USP34: variants seen among roughly 807,000 people sequenced by gnomAD.
USP34 encodes the protein ubiquitin carboxyl-terminal hydrolase 34.
In USP34, 70 loss-of-function variants were observed where a neutral mutation model predicts 460.3. The ratio of observed to expected loss-of-function variants is 0.15; its 90% CI spans 0.13 to 0.19. USP34 has a LOEUF of 0.19. USP34 is among the 10% of genes least tolerant of loss of function. The probability of loss-of-function intolerance (pLI) is 1.00; values close to 1 mark genes in which losing one functional copy is unlikely to be tolerated. For missense variants in USP34, 3,985 were observed against 4,236.2 expected, an observed-to-expected ratio of 0.94 and a Z score of 1.65; for synonymous variants, 1,647 against 1,405.3, an observed-to-expected ratio of 1.17 and a Z score of -3.85.
chr2:61,391,154 T>G (rs1228411943), intron 5 of USP34, among the ~76,000 whole-genome samples: 2 of 146,542 alleles, frequency 1.4e-5, no homozygotes, highest in African/African-American at 5.1e-5. Flanking sequence ...TCAGTAAGAG[T>G]GAGGAAATCA....
Position 61,208,885 on chromosome 2 carries a change from A to G in USP34, c.8919+14T>C. On this transcript the variant is annotated intron_variant, in intron 70 of 79. Transcript: ENST00000398571. ...TGAGATAATATCCACAGTAAAATGC[A>G]ATAGAATATTTACCTCTGTCATTAG... 1 of 1,557,708 alleles carries G rather than the reference A, an allele frequency of 6.4e-7. No individual in the cohort carries two copies. Among genetic ancestry groups the G allele is most frequent in the Non-Finnish European group, 8.7e-7 (1 of 1,143,290 alleles).
rs1417409200 is a variant in USP34 at position 61,301,234 on chromosome 2, AAT to A, written c.3919-76_3919-75del. The A allele has an allele frequency of 2.6e-6, 4 of 1,523,158 alleles. No individual in the cohort carries two copies. In the African/African-American group the frequency reaches 5.6e-5, roughly 21 times the overall value. 94.4% of individuals were successfully genotyped at this position (1,523,158 alleles called of 1,614,324 possible). A position where few individuals can be genotyped will look rare whatever the true frequency, so the allele number is the denominator to read the frequency against. Reference sequence around the variant, plus strand: ...ATAAAACGGTAAATCTGAAGTATAGAATCACTTAAAATTTTAATATAACAAAG... The same window carrying A: ...ATAAAACGGTAAATCTGAAGTATAGACACTTAAAATTTTAATATAACAAAG... On this transcript the variant is annotated intron_variant, in intron 28 of 79. Transcript: ENST00000398571.
At chr2:61,344,647 G>A (rs1691708453) in intron 15 of USP34, among the ~76,000 whole-genome samples, 1 of 152,212 alleles carries the variant, frequency 6.6e-6, no homozygotes, top group African/African-American at 2.4e-5. Context: ...TGTGAGGTAT[G>A]GAATGGGTAT....
chr2:61,414,743 C>A (rs1694144908), intron 2 of USP34, among the ~76,000 whole-genome samples: 1 of 152,084 alleles, frequency 6.6e-6, no homozygotes, highest in Non-Finnish European at 1.5e-5. Flanking sequence ...AGTCAAGGAC[C>A]CAGTTACAGA....
chr2:61,215,346 G>T (rs1373437988), intron 67 of USP34, among the ~76,000 whole-genome samples: 1 of 151,924 alleles, frequency 6.6e-6, no homozygotes, highest in South Asian at 2.1e-4. Flanking sequence ...TATAAAGAAA[G>T]AATGAGATAT....
At chr2:61,216,548 C>T (rs574262734) in intron 67 of USP34, among the ~76,000 whole-genome samples, 2 of 151,126 alleles carry the variant, frequency 1.3e-5, no homozygotes, top group South Asian at 2.1e-4. Flanking sequence ...TGCAGTAAGC[C>T]GAGATTGCGC....
chr2:61,190,409 T>G lies in USP34; in HGVS notation c.9735A>C (p.Gln3245His). 2 of 1,602,838 alleles carry G rather than the reference T, an allele frequency of 1.2e-6. No individual in the cohort carries two copies. Among genetic ancestry groups the G allele is most frequent in the East Asian group, 2.2e-5 (1 of 44,802 alleles). The change falls in exon 78 of 80, where the codon CAA becomes CAC. Residue 3245 changes from glutamine to histidine, a missense_variant. By Grantham distance (24) the Gln-to-His change is conservative (BLOSUM62 0). Transcript: ENST00000398571. ...AGTTTGCTTCAGAAAACACTTGACTTTGAACCTGAAAAAGAAGATTTAAAA... is the reference window on the plus strand; with the variant it reads ...AGTTTGCTTCAGAAAACACTTGACTGTGAACCTGAAAAAGAAGATTTAAAA... ...TFMTHFLLKV[Q>H]SQVFSEANCA...
chr2:61,409,226 T>G (rs1379048064), intron 2 of USP34, among the ~76,000 whole-genome samples: 1 of 151,148 alleles, frequency 6.6e-6, no homozygotes, highest in East Asian at 2.0e-4. Flanking sequence ...TCAAAAAACA[T>G]AAAAAACTTA....
chr2:61,283,140 C>A lies in USP34; in HGVS notation c.4998+5G>T. 1 of 1,612,380 alleles carries A rather than the reference C, an allele frequency of 6.2e-7. No individual in the cohort carries two copies. The highest frequency in any genetic ancestry group is 1.1e-5 in the South Asian group (1 of 90,678). On this transcript the variant is annotated splice_donor_5th_base_variant and intron_variant, in intron 37 of 79. Transcript: ENST00000398571. ...AACAGTACTAACCTTCAATCTTTATCTTACCTCAGGAATAAGGAGAGTCAA... is the reference window on the plus strand; with the variant it reads ...AACAGTACTAACCTTCAATCTTTATATTACCTCAGGAATAAGGAGAGTCAA...
chr2:61,430,402 A>G (rs888211257), intron 1 of USP34, among the ~76,000 whole-genome samples: 1 of 152,136 alleles, frequency 6.6e-6, no homozygotes, highest in African/African-American at 2.4e-5. Flanking sequence ...AGACTGTCTC[A>G]AAAAATAATA....
intron 1 of USP34, among the ~76,000 whole-genome samples, chr2:61,462,300 G>A (rs1005201580): frequency 6.6e-6 from 1 of 150,816 alleles, no homozygotes; most frequent in African/African-American, 2.4e-5. Context: ...TGTAATCCCA[G>A]CAGTTTGGGA....
At position 61,223,153 on chromosome 2, in the gene USP34, G is replaced by A; in HGVS notation, c.7656C>T (p.Phe2552=). ...TGCCATCACGAATATGTTGAAACAA[G>A]AAGGGAAATCCCTGTCAAAAGCAAA... ...AALTGGKGFP[F]LFQHIRDGIN... is the part of the protein sequence containing the mutation. The change falls in exon 64 of 80, where the codon TTC becomes TTT. Residue 2552 remains phenylalanine (F), a synonymous_variant. Transcript: ENST00000398571. 6.2e-7 allele frequency: 1 copy of A among 1,613,714 alleles called. No homozygotes were observed. The highest frequency in any genetic ancestry group is 8.5e-7 in the Non-Finnish European group (1 of 1,179,792).
At chr2:61,219,462 G>A (rs1455590575) in intron 67 of USP34, among the ~76,000 whole-genome samples, 1 of 152,124 alleles carries the variant, frequency 6.6e-6, no homozygotes, top group Non-Finnish European at 1.5e-5. Flanking sequence ...CTTGAGGTCA[G>A]GAGATCAAGA....
Position 61,188,949 on chromosome 2 carries a change from A to T in USP34, c.9994T>A (p.Ser3332Thr), listed in dbSNP as rs777707567. 3.1e-6 allele frequency: 5 copies of T among 1,614,146 alleles called. No homozygotes were observed. Among genetic ancestry groups the T allele is most frequent in the Non-Finnish European group, 4.2e-6 (5 of 1,180,034 alleles). The change falls in exon 79 of 80, where the codon TCA (serine) becomes ACA (threonine). Residue 3332 changes from serine (S) to threonine (T), a missense_variant. Physicochemically the swap from Ser to Thr is moderately conservative, Grantham distance 58 (BLOSUM62 1). Transcript: ENST00000398571. ...KCRTCLQQRN[S>T]LQEQEAKERK... ...TCTTTGGCTTCTTGCTCTTGGAGTG[A>T]GTTTCTCTGTTGCAGACAAGTCCTG...
chr2:61,358,003 C>T (rs1471607229), intron 10 of USP34, among the ~76,000 whole-genome samples: 6 of 151,630 alleles, frequency 4.0e-5, no homozygotes, highest in Admixed American at 6.6e-5. Flanking sequence ...TCAGCCTGGC[C>T]GACATGGCGA....
At chr2:61,252,003 C>A (rs1374833000) in intron 48 of USP34, among the ~76,000 whole-genome samples, 1 of 150,172 alleles carries the variant, frequency 6.7e-6, no homozygotes, top group African/African-American at 2.4e-5. Context: ...ACAACTTTTT[C>A]CATTCTGAAA....
chr2:61,378,517 T>C lies in USP34; in HGVS notation c.1015-93A>G, dbSNP rs948902042. ...CTAACATGGTAAACTGATTGACATATGTAGATCACAATAACTAGATTAATA... is the reference window on the plus strand; with the variant it reads ...CTAACATGGTAAACTGATTGACATACGTAGATCACAATAACTAGATTAATA... On this transcript the variant is annotated intron_variant, in intron 7 of 79. Transcript: ENST00000398571. 2.7e-5 allele frequency: 20 copies of C among 733,704 alleles called. No individual in the cohort carries two copies. In the Admixed American group the frequency reaches 5.2e-4, roughly 19 times the overall value. The allele number at this position is 733,704 out of a possible 1,614,324, so 45.4% of individuals were successfully genotyped here.
In USP34 at chr2:61,331,380, A is replaced by G; in HGVS notation, c.2835-9T>C. 1.2e-6 allele frequency: 2 copies of G among 1,605,216 alleles called. No individual in the cohort carries two copies. Among genetic ancestry groups the G allele is most frequent in the Non-Finnish European group, 1.7e-6 (2 of 1,176,624 alleles). On this transcript the variant is annotated splice_polypyrimidine_tract_variant and intron_variant, in intron 19 of 79. Transcript: ENST00000398571. ...GTTCTTTTTCTGCCCACCTGGCCCA[A>G]ATAAAAGAAAAAATAATTTTAAAGT...
chr2:61,384,035 A>C, intron 5 of USP34, among the ~76,000 whole-genome samples: 1 of 152,110 alleles, frequency 6.6e-6, no homozygotes, highest in East Asian at 1.9e-4. Flanking sequence ...GTTTTTAACT[A>C]ATCATCTCAT....
Sources: allele counts gnomAD v4.1 joint callset (sites outside exome capture counted in the v4.1 genomes callset), GRCh38; gene constraint gnomAD v4.1.1; transcripts MANE v1.5; gene names NCBI Gene and HGNC (gene_info 2026-07-23, HGNC 2026-07-21).